CPXM2: variants seen among roughly 807,000 people sequenced by gnomAD.
CPXM2 encodes the protein carboxypeptidase X, M14 family member 2, also known as inactive carboxypeptidase-like protein X2.
CPXM2 carries 66 observed loss-of-function variants against 86.1 expected under a neutral mutation model. The observed-to-expected ratio is 0.77, with a 90% CI of 0.63 to 0.94. The LOEUF (loss-of-function observed/expected upper bound fraction) is 0.94, where lower values mean the gene tolerates loss of function less well. Ranked by LOEUF, CPXM2 falls within the 40% of genes least tolerant of loss-of-function variation. The pLI, the probability that CPXM2 is intolerant of heterozygous loss-of-function variation, is 0.00. For synonymous variants in CPXM2, 388 were observed against 400.2 expected, an observed-to-expected ratio of 0.97 and a Z score of 0.36; for missense variants, 948 against 1,026.3, an observed-to-expected ratio of 0.92 and a Z score of 1.04.
intron 2 of CPXM2, among the ~76,000 whole-genome samples, 169 bp downstream of exon 2, chr10:123,880,042 C>T (rs1724472175): frequency 6.6e-6 from 1 of 152,182 alleles, no homozygotes; most frequent in Non-Finnish European, 1.5e-5. Context: ...GCAGAAGCTG[C>T]CGTGAATGTT....
At chr10:123,798,246 T>G in intron 5 of CPXM2, 120 bp from the exon 6 acceptor site, 1 of 750,432 alleles carries the variant, frequency 1.3e-6, no homozygotes. Flanking sequence ...GTGCTGTGCA[T>G]TGAAAAGAAA....
At chr10:123,751,167 G>A (rs1022722420) in intron 13 of CPXM2, 12 of 485,972 alleles carry the variant, frequency 2.5e-5, no homozygotes, top group East Asian at 1.5e-4. Context: ...GGAACTGCAC[G>A]GCTTAGCGCC....
intron 6 of CPXM2, among the ~76,000 whole-genome samples, chr10:123,797,349 T>C (rs1308347250): frequency 6.6e-6 from 1 of 152,174 alleles, no homozygotes; most frequent in Non-Finnish European, 1.5e-5. Context: ...AATTTCAACA[T>C]AATTTTCTTT....
At chr10:123,910,877 G>A (rs1001721039) in intron 2 of CPXM2, among the ~76,000 whole-genome samples, 1 of 152,094 alleles carries the variant, frequency 6.6e-6, no homozygotes. Flanking sequence ...AGGTCTGGTG[G>A]CCCCAGGTGT....
chr10:123,919,054 C>T (rs981646480), intron 2 of CPXM2, among the ~76,000 whole-genome samples: 3 of 151,978 alleles, frequency 2.0e-5, no homozygotes, highest in Admixed American at 6.5e-5. Flanking sequence ...TGTTTGAAGC[C>T]CACAGCTCCT....
rs535782346 is a variant in CPXM2, at chr10:123,923,454, G to A, written n.174+16023C>T. On this transcript the variant is annotated intron_variant and non_coding_transcript_variant, in intron 2 of 19. Transcript: ENST00000368854. The stretch of plus-strand genomic sequence containing the variant: ...AAATTAGCCGGGCGTGGTGGCGGGC[G>A]CCTGTAGTCCCAGCTACTCGGGAGG... 4.8e-3 allele frequency among the ~76,000 whole-genome samples: 717 copies of A among 150,698 alleles called. 3 individuals are homozygous for A. The highest frequency in any genetic ancestry group is 0.013 in the African/African-American group (528 of 40,792).
rs1165609148 is a variant in CPXM2, at chr10:123,746,812, T to C, written c.2223A>G (p.Pro741=). 2 of 1,614,080 alleles carry C rather than the reference T, an allele frequency of 1.2e-6. No individual in the cohort carries two copies. Among genetic ancestry groups the C allele is most frequent in the African/African-American group, 2.7e-5 (2 of 74,940 alleles). ...GCCCCCGCAGCTTCAGCCGCCTGGC[T>C]GGCAGGCTGACGGGCTGCTTCCCAA... is the stretch of plus-strand genomic sequence containing the variant. ...EKFGKQPVSL[P]ARRLKLRGQK... is the part of the protein sequence containing the mutation. Residue 741 remains proline (P), a synonymous_variant, in exon 14 of 14, where the codon CCA becomes CCG. Transcript: ENST00000241305.
In CPXM2 at chr10:123,770,922, C is replaced by G. The variant is rs773956192; in HGVS notation, c.1096G>C (p.Glu366Gln). ...VEISDHPGEH[E>Q]VGEPEFHYIA... ...CCAGAGGGGCCCTTCTCACCGACTT[C>G]ATGCTCCCCAGGGTGATCTGAGATC... The change falls in exon 8 of 14, where the codon GAA (glutamate) becomes CAA (glutamine). Residue 366 changes from glutamate (E) to glutamine (Q), a missense_variant. Physicochemically the swap from Glu to Gln is conservative, Grantham distance 29. Transcript: ENST00000241305. The G allele has an allele frequency of 1.2e-6, 2 of 1,609,018 alleles. No individual in the cohort carries two copies. Among genetic ancestry groups the G allele is most frequent in the East Asian group, 4.5e-5 (2 of 44,702 alleles).
At chr10:123,777,808 C>A in intron 7 of CPXM2, 1 of 152,498 alleles carries the variant, frequency 6.6e-6, no homozygotes. Flanking sequence ...CTCCCATCCC[C>A]CATGACTGTA....
At chr10:123,829,078 A>C (rs776271916) in intron 4 of CPXM2, among the ~76,000 whole-genome samples, 9 of 152,262 alleles carry the variant, frequency 5.9e-5, no homozygotes, top group Non-Finnish European at 8.8e-5. Context: ...GAAACATTTC[A>C]CTAAAAAGGA....
At chr10:123,895,876 A>G (rs958911030), upstream of CPXM2, among the ~76,000 whole-genome samples, 8 of 152,342 alleles carry the variant, frequency 5.3e-5, no homozygotes, top group East Asian at 1.4e-3. Flanking sequence ...GTTTGCCTCA[A>G]TTGAGAATCT....
intron 11 of CPXM2, among the ~76,000 whole-genome samples, chr10:123,758,214 C>T (rs1456407851): frequency 6.6e-6 from 1 of 152,170 alleles, no homozygotes; most frequent in African/African-American, 2.4e-5. Context: ...CAAATTACCA[C>T]CAAATGGTTG....
chr10:123,841,478 C>G (rs1280071952), intron 4 of CPXM2, among the ~76,000 whole-genome samples: 1 of 152,242 alleles, frequency 6.6e-6, no homozygotes, highest in East Asian at 1.9e-4. Context: ...TCAAGCTATA[C>G]TGAACCTCTG....
chr10:123,856,481 G>A lies in CPXM2; in HGVS notation c.513+6133C>T, dbSNP rs1238737205. 3.9e-5 allele frequency among the ~76,000 whole-genome samples: 6 copies of A among 152,210 alleles called. No homozygotes were observed. The South Asian group carries it at 1.2e-3, about 32-fold the overall frequency. ...GGTCCTCAAAGGAGGATTCTTTGGG[G>A]TGGGGCAGGTGATGAGCTGCCATTA... is the stretch of plus-strand genomic sequence containing the variant. On this transcript the variant is annotated intron_variant, in intron 3 of 13. Coordinates refer to ENST00000241305, the MANE Select transcript of CPXM2 (RefSeq NM_198148.3).
chr10:123,757,403 C>T (rs747474968), intron 11 of CPXM2, 51 bp from the exon 12 acceptor site: 3 of 1,527,354 alleles, frequency 2.0e-6, no homozygotes, highest in South Asian at 1.1e-5. Flanking sequence ...CAAAATGGCA[C>T]TGGGGAATGC....
At chr10:123,835,085 A>C (rs1314615372) in intron 4 of CPXM2, among the ~76,000 whole-genome samples, 1 of 152,188 alleles carries the variant, frequency 6.6e-6, no homozygotes, top group African/African-American at 2.4e-5. Flanking sequence ...AGCCTCAGAT[A>C]TTCCTCTATA....
intron 2 of CPXM2, among the ~76,000 whole-genome samples, chr10:123,925,987 T>C (rs916101700): frequency 1.3e-5 from 2 of 152,246 alleles, no homozygotes; most frequent in Non-Finnish European, 2.9e-5. Flanking sequence ...AAGCATATCA[T>C]GCTTTTAAAG....
At chr10:123,750,349 G>T (rs1263870881) in intron 13 of CPXM2, 15 of 970,768 alleles carry the variant, frequency 1.5e-5, no homozygotes, top group Non-Finnish European at 1.7e-5. Context: ...GCACTCCACT[G>T]CTCCCAGCCG....
In CPXM2 at chr10:123,764,495, A is replaced by AT. The variant is rs11301134; in HGVS notation, c.1480-2327dup. Among the ~76,000 whole-genome samples the AT allele has an allele frequency of 5.3e-5, 8 of 151,120 alleles. No individual in the cohort carries two copies. In the East Asian group the frequency reaches 5.8e-4, roughly 11 times the overall value. On this transcript the variant is annotated intron_variant, in intron 10 of 13. Coordinates refer to ENST00000241305, the MANE Select transcript of CPXM2 (RefSeq NM_198148.3). ...CTTTTTATTTATTTTATGTATTATAATTTTTTTTTGAGACAGGGTCTCACT... is the reference window on the plus strand; with the variant it reads ...CTTTTTATTTATTTTATGTATTATAATTTTTTTTTTGAGACAGGGTCTCACT...
Sources: allele counts gnomAD v4.1 joint callset (sites outside exome capture counted in the v4.1 genomes callset), GRCh38; gene constraint gnomAD v4.1.1; transcripts MANE v1.5; gene names NCBI Gene and HGNC (gene_info 2026-07-23, HGNC 2026-07-21).